Variants in CTNNA2 observed in about 807,000 individuals in gnomAD.
The protein encoded by CTNNA2 is catenin alpha 2.
Under a neutral mutation model 101.0 loss-of-function variants are expected in CTNNA2, and 42 were observed. The observed-to-expected ratio is 0.42, with a 90% CI of 0.32 to 0.54. The LOEUF (loss-of-function observed/expected upper bound fraction) is 0.54. Ranked by LOEUF, CTNNA2 falls within the 20% of genes least tolerant of loss-of-function variation. The pLI, the probability that CTNNA2 is intolerant of heterozygous loss-of-function variation, is 0.14. For missense variants in CTNNA2, 871 were observed against 1,223.1 expected (o/e 0.71, Z 4.29); for synonymous variants, 450 against 456.4 (o/e 0.99, Z 0.18).
chr2:80,647,366 A>T (rs1674220432), intron 18 of CTNNA2, among the ~76,000 whole-genome samples: 1 of 146,218 alleles, frequency 6.8e-6, no homozygotes, highest in Non-Finnish European at 1.5e-5. Context: ...TACTTTGGAA[A>T]ACTTTTGTTA....
chr2:80,586,521 G>A (rs1186002595), intron 14 of CTNNA2: 1 of 152,120 alleles, frequency 6.6e-6, no homozygotes, highest in Non-Finnish European at 1.5e-5. Context: ...ACCAAAAACA[G>A]CAATAGGTCA....
At chr2:80,605,351 T>C (rs911572009) in intron 16 of CTNNA2, 1 of 152,012 alleles carries the variant, frequency 6.6e-6, no homozygotes, top group African/African-American at 2.4e-5. Context: ...TTTGGATGGA[T>C]TGTATCATAA....
chr2:79,596,149 C>T (rs1677174881), intron 1 of CTNNA2, among the ~76,000 whole-genome samples: 1 of 151,978 alleles, frequency 6.6e-6, no homozygotes, highest in African/African-American at 2.4e-5. Flanking sequence ...ATCACATCGG[C>T]CTGGAGCTAT....
intron 7 of CTNNA2, among the ~76,000 whole-genome samples, chr2:79,989,092 A>G (rs1473004366): frequency 6.6e-6 from 1 of 152,238 alleles, no homozygotes; most frequent in African/African-American, 2.4e-5. Context: ...AAAAGAAGAC[A>G]GGATGCTAGA....
chr2:79,871,285 G>A (rs1034850179), intron 5 of CTNNA2, among the ~76,000 whole-genome samples: 21 of 152,306 alleles, frequency 1.4e-4, no homozygotes, highest in African/African-American at 4.8e-4. Context: ...AGTGAGACAG[G>A]CACATAAATG....
At chr2:79,384,520 T>G in intron 4 of CTNNA2, among the ~76,000 whole-genome samples, 1 of 151,844 alleles carries the variant, frequency 6.6e-6, no homozygotes, top group Non-Finnish European at 1.5e-5. Flanking sequence ...TTATAAGAAA[T>G]GTAGGTGTCA....
chr2:79,269,003 C>T (rs996174310), intron 2 of CTNNA2, among the ~76,000 whole-genome samples: 1 of 151,924 alleles, frequency 6.6e-6, no homozygotes, highest in African/African-American at 2.4e-5. Flanking sequence ...TTCTTGTGTG[C>T]GGAATGGGAG....
chr2:79,356,774 A>C (rs1401329792), intron 3 of CTNNA2, among the ~76,000 whole-genome samples: 1 of 152,206 alleles, frequency 6.6e-6, no homozygotes, highest in Non-Finnish European at 1.5e-5. Context: ...CATCCAGAAC[A>C]CTACTTTCTA....
intron 1 of CTNNA2, among the ~76,000 whole-genome samples, chr2:79,519,020 G>A (rs1437415296): frequency 6.6e-6 from 1 of 152,032 alleles, no homozygotes; most frequent in Non-Finnish European, 1.5e-5. Flanking sequence ...CCTGAGGCCA[G>A]GAGTTTGAGA....
chr2:79,362,630 G>T (rs549322101), intron 3 of CTNNA2, among the ~76,000 whole-genome samples: 1 of 152,126 alleles, frequency 6.6e-6, no homozygotes, highest in Non-Finnish European at 1.5e-5. Context: ...CACTTCCCAG[G>T]CTCTTAGGCA....
At chr2:79,738,727 G>A (rs886115274) in intron 2 of CTNNA2, among the ~76,000 whole-genome samples, 4 of 152,186 alleles carry the variant, frequency 2.6e-5, no homozygotes, top group African/African-American at 9.7e-5. Flanking sequence ...TTAGCAACCT[G>A]TTAACTAACA....
intron 1 of CTNNA2, among the ~76,000 whole-genome samples, chr2:79,562,919 G>A (rs943052949): frequency 3.3e-5 from 5 of 151,792 alleles, no homozygotes; most frequent in African/African-American, 9.7e-5. Flanking sequence ...CAGAGATAAA[G>A]AGAGAAAAGA....
At chr2:80,375,562 C>CTTTTTTTTTT (rs199662476) in intron 7 of CTNNA2, among the ~76,000 whole-genome samples, 6 of 105,604 alleles carry the variant, frequency 5.7e-5, no homozygotes, top group African/African-American at 1.7e-4. Context: ...TTTCTGGCTT[C>CTTTTTTTTTT]TTTTTTTTTT....
At chr2:80,114,184 A>T (rs1337037336) in intron 7 of CTNNA2, among the ~76,000 whole-genome samples, 2 of 152,206 alleles carry the variant, frequency 1.3e-5, no homozygotes, top group Non-Finnish European at 2.9e-5. Context: ...CTCAGAGAAG[A>T]TGAAAAATAT....
At chr2:79,814,457 C>G (rs879276833) in intron 3 of CTNNA2, among the ~76,000 whole-genome samples, 2 of 152,066 alleles carry the variant, frequency 1.3e-5, no homozygotes, top group Non-Finnish European at 2.9e-5. Context: ...AGCTTAGCTC[C>G]CACACATCAA....
intron 2 of CTNNA2, among the ~76,000 whole-genome samples, chr2:79,255,919 G>T (rs980504671): frequency 6.6e-6 from 1 of 152,108 alleles, no homozygotes; most frequent in Admixed American, 6.6e-5. Context: ...CCAGACAAGT[G>T]TGTTGTATCA....
At chr2:79,622,607 C>T (rs929266152) in intron 1 of CTNNA2, among the ~76,000 whole-genome samples, 3 of 152,224 alleles carry the variant, frequency 2.0e-5, no homozygotes, top group Non-Finnish European at 4.4e-5. Context: ...CCCCACTTCA[C>T]ACCACTTCAG....
At chr2:79,944,478 G>A (rs1429237567) in intron 7 of CTNNA2, among the ~76,000 whole-genome samples, 1 of 152,132 alleles carries the variant, frequency 6.6e-6, no homozygotes, top group African/African-American at 2.4e-5. Context: ...TTATACCTCA[G>A]TGAACTGTCA....
intron 11 of CTNNA2, among the ~76,000 whole-genome samples, chr2:80,551,183 T>C (rs1305812176): frequency 6.6e-6 from 1 of 152,202 alleles, no homozygotes; most frequent in Admixed American, 6.5e-5. Context: ...TTCTGAACAG[T>C]AGGTTTCAAG....
Sources: allele counts gnomAD v4.1 joint callset (sites outside exome capture counted in the v4.1 genomes callset), GRCh38; gene constraint gnomAD v4.1.1; transcripts MANE v1.5; gene names NCBI Gene and HGNC (gene_info 2026-07-23, HGNC 2026-07-21).